The following SLC35F2 variants were observed in gnomAD, a reference collection of about 807,000 sequenced individuals.
SLC35F2 encodes solute carrier family 35 member F2.
In SLC35F2, 25 loss-of-function variants were observed where a neutral mutation model predicts 38.1. The ratio of observed to expected loss-of-function variants is 0.66; its 90% CI spans 0.48 to 0.92. SLC35F2 has a LOEUF of 0.92. SLC35F2 is among the 40% of genes least tolerant of loss of function. SLC35F2 has a pLI of 0.00. For synonymous variants in SLC35F2, 173 were observed against 181.7 expected, an observed-to-expected ratio of 0.95 and a Z score of 0.38; for missense variants, 409 against 452.9, an observed-to-expected ratio of 0.90 and a Z score of 0.88.
intron 1 of SLC35F2, among the ~76,000 whole-genome samples, chr11:107,858,162 C>A (rs1860325670): frequency 6.6e-6 from 1 of 152,322 alleles, no homozygotes; most frequent in African/African-American, 2.4e-5. Context: ...GCTCTGGTCT[C>A]CCACCCGGCA....
chr11:107,853,778 C>T (rs1223430018), intron 1 of SLC35F2, among the ~76,000 whole-genome samples: 1 of 149,456 alleles, frequency 6.7e-6, no homozygotes, highest in Non-Finnish European at 1.5e-5. Context: ...CAGCACTCTG[C>T]TACAAAAGGA....
rs1309325830 is a variant in SLC35F2, at chr11:107,815,794, T to C, written c.282A>G (p.Arg94=). ...FLIYTVMLAF[R]SGSDNLLVIL... The stretch of plus-strand genomic sequence containing the variant: ...TAATTTCCACATTTGACATACCTGA[T>C]CGAAATGCCAGCATCACTGTATAAA... The change falls in exon 2 of 8, where the codon CGA becomes CGG. Residue 94 remains arginine (R), a synonymous_variant. Transcript: ENST00000525815. 3.7e-6 allele frequency: 6 copies of C among 1,604,246 alleles called. No homozygotes were observed. In the Admixed American group the frequency reaches 1.0e-4, roughly 28 times the overall value.
intron 1 of SLC35F2, among the ~76,000 whole-genome samples, chr11:107,817,547 T>C (rs1016367237): frequency 2.6e-5 from 4 of 152,100 alleles, no homozygotes; most frequent in East Asian, 3.8e-4. Context: ...TCATTTCTCA[T>C]GTCTAAAACC....
At chr11:107,809,823 A>G in intron 3 of SLC35F2, 5 of 985,370 alleles carry the variant, frequency 5.1e-6, no homozygotes, top group Non-Finnish European at 6.0e-6. Flanking sequence ...ATGAAAATTG[A>G]ATTAACCTTT....
intron 7 of SLC35F2, among the ~76,000 whole-genome samples, chr11:107,793,983 A>G (rs1423035984): frequency 6.6e-6 from 1 of 152,232 alleles, no homozygotes; most frequent in Non-Finnish European, 1.5e-5. Context: ...GATATACCCC[A>G]AAAGTCTAAA....
chr11:107,855,339 ACAC>A (rs1860259621), intron 1 of SLC35F2, among the ~76,000 whole-genome samples: 1 of 152,124 alleles, frequency 6.6e-6, no homozygotes, highest in Non-Finnish European at 1.5e-5. Context: ...AAAGAAAAAG[ACAC>A]CATTTTTGCT....
intron 4 of SLC35F2, 46 bp from the exon 5 acceptor site, chr11:107,805,561 A>G (rs1859377733): frequency 6.3e-7 from 1 of 1,590,286 alleles, no homozygotes; most frequent in African/African-American, 1.3e-5. Flanking sequence ...TCAACAGATG[A>G]ACCTCCACAG....
chr11:107,797,360 G>A (rs549701533), intron 7 of SLC35F2, among the ~76,000 whole-genome samples: 1 of 151,302 alleles, frequency 6.6e-6, no homozygotes, highest in South Asian at 2.1e-4. Flanking sequence ...AAGGAAGGAG[G>A]GGGTGGAAGG....
chr11:107,790,994 AT>A lies in SLC35F2; in HGVS notation c.*1620del, dbSNP rs1380481570. The A allele has an allele frequency of 1.3e-5, 2 of 152,758 alleles. No homozygotes were observed. Among genetic ancestry groups the A allele is most frequent in the East Asian group, 1.9e-4 (1 of 5,192 alleles). The allele number at this position is 152,758 out of a possible 1,614,324, so 9.5% of individuals were successfully genotyped here. On this transcript the variant is annotated 3_prime_UTR_variant, in exon 8 of 8. Coordinates refer to ENST00000525815, the MANE Select transcript of SLC35F2 (RefSeq NM_017515.5). ...ATCAAAGAAACCACACAGTTGATGT[AT>A]TTCCATGAATTCAAAGCCTTTTAAT...
At position 107,833,518 on chromosome 11, in the gene SLC35F2, C is replaced by CAAAAAAAAAAAAAAA. The variant is rs34376803; in HGVS notation, c.111-17568_111-17554dup. On this transcript the variant is annotated intron_variant, in intron 1 of 7. Transcript: ENST00000525815. Reference sequence around the variant, plus strand: ...TGGGCATCAGAGTGAGACTCTGTCTCAAAAAAAAAAAAAAAAAAAGGAGAG... The same window carrying CAAAAAAAAAAAAAAA: ...TGGGCATCAGAGTGAGACTCTGTCTCAAAAAAAAAAAAAAAAAAAAAAAAAAAAAAAAAAGGAGAG... Among the ~76,000 whole-genome samples the CAAAAAAAAAAAAAAA allele has an allele frequency of 2.2e-4, 20 of 89,542 alleles. 1 individual carries two copies. The highest frequency in any genetic ancestry group is 6.3e-4 in the African/African-American group (13 of 20,568). The allele number at this position is 89,542 out of a possible 152,430, so 58.7% of individuals were successfully genotyped here.
rs370769369 is a variant in SLC35F2 at position 107,792,720 on chromosome 11, G to A, written c.1020C>T (p.Ala340=). The change falls in exon 8 of 8, where the codon GCC becomes GCT. Residue 340 remains alanine, a synonymous_variant. Transcript: ENST00000525815. ...GAGGCACGCTGCTTTCAGCCGGCTC[G>A]GCCGTGCGAGTAGGGGTGGAGCAGT... The part of the protein sequence containing the change: ...ILYCSTPTRT[A]EPAESSVPPV... The A allele has an allele frequency of 6.8e-5, 109 of 1,613,912 alleles. 1 individual carries two copies. The highest frequency in any genetic ancestry group is 8.1e-5 in the Non-Finnish European group (96 of 1,179,948).
At chr11:107,830,421 T>TA (rs1163298597) in intron 1 of SLC35F2, among the ~76,000 whole-genome samples, 6 of 151,470 alleles carry the variant, frequency 4.0e-5, no homozygotes, top group African/African-American at 1.5e-4. Flanking sequence ...CCATCTCTAC[T>TA]AAAAACACAA....
intron 7 of SLC35F2, among the ~76,000 whole-genome samples, chr11:107,795,897 G>A (rs773578412): frequency 6.6e-6 from 1 of 152,234 alleles, no homozygotes; most frequent in Non-Finnish European, 1.5e-5. Flanking sequence ...ACTTTGGGAG[G>A]CTGAGGCGGG....
intron 1 of SLC35F2, among the ~76,000 whole-genome samples, chr11:107,822,388 A>G (rs1591196470): frequency 6.6e-6 from 1 of 152,218 alleles, no homozygotes; most frequent in East Asian, 1.9e-4. Flanking sequence ...ATATATTTTT[A>G]TTTACATCTT....
At chr11:107,805,145 T>C in intron 5 of SLC35F2, 2 of 985,404 alleles carry the variant, frequency 2.0e-6, no homozygotes, top group Non-Finnish European at 2.4e-6. Flanking sequence ...AACACACATG[T>C]TTAAGAAAAT....
intron 1 of SLC35F2, among the ~76,000 whole-genome samples, chr11:107,843,891 ATATATATATATATATATG>A (rs1565440778): frequency 1.7e-4 from 19 of 109,568 alleles, no homozygotes; most frequent in African/African-American, 5.7e-4. Context: ...ATATATATAT[ATATATATATATATATATG>A]TATATTAATT....
rs773784115 is a variant in SLC35F2 at position 107,805,345 on chromosome 11, T to C, written c.731+14A>G. The C allele has an allele frequency of 1.9e-6, 3 of 1,584,742 alleles. No homozygotes were observed. Among genetic ancestry groups the C allele is most frequent in the South Asian group, 1.2e-5 (1 of 85,598 alleles). On this transcript the variant is annotated intron_variant, in intron 5 of 7. Transcript: ENST00000525815. ...TGCTTATTTTGTCTTTAGAAAAAAATTGTAGAATCTTACAGCTGTATACCA... is the reference window on the plus strand; with the variant it reads ...TGCTTATTTTGTCTTTAGAAAAAAACTGTAGAATCTTACAGCTGTATACCA...
intron 1 of SLC35F2, among the ~76,000 whole-genome samples, chr11:107,817,116 A>T (rs1386549241): frequency 1.3e-5 from 2 of 152,030 alleles, no homozygotes; most frequent in Non-Finnish European, 2.9e-5. Flanking sequence ...TCTCTACTAA[A>T]ACTACAAACA....
intron 1 of SLC35F2, among the ~76,000 whole-genome samples, chr11:107,832,184 G>GC (rs1028496628): frequency 2.0e-5 from 3 of 152,176 alleles, no homozygotes; most frequent in Non-Finnish European, 4.4e-5. Flanking sequence ...TCTAGATCCA[G>GC]CAAGTAACCC....
Sources: gnomAD v4.1 joint callset for allele counts (sites outside exome capture counted in the v4.1 genomes callset) on GRCh38, gnomAD v4.1.1 for gene constraint, MANE v1.5 for transcripts, NCBI Gene and HGNC (gene_info 2026-07-23, HGNC 2026-07-21) for gene names.